Variants in SLC24A2 observed in about 807,000 individuals in gnomAD.
SLC24A2 encodes solute carrier family 24 member 2.
In SLC24A2, 36 loss-of-function variants were observed where a neutral mutation model predicts 62.0. The observed-to-expected ratio is 0.58, with a 90% confidence interval of 0.44 to 0.77. The LOEUF (loss-of-function observed/expected upper bound fraction) is 0.77. Ranked by LOEUF, SLC24A2 falls within the 30% of genes least tolerant of loss-of-function variation. The pLI, the probability that SLC24A2 is intolerant of heterozygous loss-of-function variation, is 0.00. For synonymous variants in SLC24A2, 358 were observed against 294.0 expected, an observed-to-expected ratio of 1.22 and a Z score of -2.23; for missense variants, 846 against 817.9, an observed-to-expected ratio of 1.03 and a Z score of -0.42.
At chr9:19,641,388 TA>T in intron 2 of SLC24A2, among the ~76,000 whole-genome samples, 1 of 152,376 alleles carries the variant, frequency 6.6e-6, no homozygotes, top group South Asian at 2.1e-4. Context: ...GTGGGCATAA[TA>T]AACTTAACAA....
chr9:19,897,206 T>G, the SLC24A2 span, among the ~76,000 whole-genome samples: 2 of 152,358 alleles, frequency 1.3e-5, no homozygotes, highest in South Asian at 4.1e-4. Context: ...AATGAACTCT[T>G]ATCTACCTTT....
chr9:19,961,506 C>T, the SLC24A2 span, among the ~76,000 whole-genome samples: 1 of 152,084 alleles, frequency 6.6e-6, no homozygotes, highest in Non-Finnish European at 1.5e-5. Context: ...TAAGTTTCAT[C>T]CTTTGGAGGT....
chr9:19,699,119 C>G (rs879277316), intron 2 of SLC24A2, among the ~76,000 whole-genome samples: 1 of 152,078 alleles, frequency 6.6e-6, no homozygotes, highest in South Asian at 2.1e-4. Flanking sequence ...TTCCCAGACT[C>G]GGGGGTTCTG....
rs571498514 is a variant in SLC24A2 at position 19,573,570 on chromosome 9, A to G, written c.1229-101T>C. 815 of 878,708 alleles carry G rather than the reference A, an allele frequency of 9.3e-4. 8 individuals are homozygous for G. The South Asian group carries it at 9.8e-3, about 11-fold the overall frequency. The allele number at this position is 878,708 out of a possible 1,614,324, so 54.4% of individuals were successfully genotyped here. Reference sequence around the variant, plus strand: ...GAGAGAGAGAAAGCAAATGGAATCAATGGGGGTAAAGAGCAATATTGAAAA... The same window carrying G: ...GAGAGAGAGAAAGCAAATGGAATCAGTGGGGGTAAAGAGCAATATTGAAAA... On this transcript the variant is annotated intron_variant, in intron 6 of 10. Transcript: ENST00000341998.
At chr9:20,242,149 C>T in the SLC24A2 span, among the ~76,000 whole-genome samples, 2 of 152,078 alleles carry the variant, frequency 1.3e-5, no homozygotes, top group Non-Finnish European at 2.9e-5. Context: ...CTTTTTCCTG[C>T]CCCCCACAGT....
the SLC24A2 span, among the ~76,000 whole-genome samples, chr9:20,092,274 T>C: frequency 1.3e-5 from 2 of 152,240 alleles, no homozygotes; most frequent in Non-Finnish European, 2.9e-5. Flanking sequence ...TAATTGACCA[T>C]TTCTATTCTT....
the SLC24A2 span, among the ~76,000 whole-genome samples, chr9:20,081,313 T>A: frequency 2.0e-5 from 3 of 151,622 alleles, no homozygotes; most frequent in East Asian, 1.9e-4. Flanking sequence ...AAATGATGAG[T>A]TCATGTCCTT....
At chr9:19,824,968 A>T in the SLC24A2 span, among the ~76,000 whole-genome samples, 1 of 152,312 alleles carries the variant, frequency 6.6e-6, no homozygotes, top group East Asian at 1.9e-4. Context: ...GGAGTTGAAC[A>T]ATGAGAACAC....
chr9:20,208,243 G>T, the SLC24A2 span, among the ~76,000 whole-genome samples: 4 of 152,184 alleles, frequency 2.6e-5, no homozygotes, highest in Non-Finnish European at 4.4e-5. Flanking sequence ...GGTTAACGTG[G>T]CTGGGGTAGA....
intron 6 of SLC24A2, among the ~76,000 whole-genome samples, chr9:19,575,669 A>G (rs1202517079): frequency 6.6e-6 from 1 of 152,246 alleles, no homozygotes; most frequent in African/African-American, 2.4e-5. Context: ...AATCCTTGGC[A>G]TTAAGTGTCC....
the SLC24A2 span, among the ~76,000 whole-genome samples, chr9:20,144,253 C>A: frequency 6.6e-6 from 1 of 152,202 alleles, no homozygotes; most frequent in Admixed American, 6.5e-5. Flanking sequence ...CATGTCAAAG[C>A]TTCTGCCAGG....
chr9:19,533,225 G>A (rs1833789388), intron 8 of SLC24A2, among the ~76,000 whole-genome samples: 1 of 152,096 alleles, frequency 6.6e-6, no homozygotes, highest in Non-Finnish European at 1.5e-5. Context: ...ATCTTCTTGG[G>A]CAATCAAAAT....
Position 19,764,186 on chromosome 9 carries a change from A to G in SLC24A2, c.930+21751T>C, listed in dbSNP as rs139534993. On this transcript the variant is annotated intron_variant, in intron 2 of 10. Transcript: ENST00000341998. ...TCCTTTATCATTTTTTATTGCGTCT[A>G]TTTGATTCTTCTCTCTTTTCTTCTT... Among the ~76,000 whole-genome samples the G allele has an allele frequency of 8.3e-4, 126 of 152,234 alleles. 1 individual carries two copies. The East Asian group carries it at 0.022, about 27-fold the overall frequency.
the SLC24A2 span, among the ~76,000 whole-genome samples, chr9:20,195,797 C>T: frequency 6.6e-6 from 1 of 150,830 alleles, no homozygotes; most frequent in African/African-American, 2.4e-5. Flanking sequence ...TCATGGCATA[C>T]ATTAAAATAA....
chr9:20,163,137 T>C, the SLC24A2 span, among the ~76,000 whole-genome samples: 10 of 151,946 alleles, frequency 6.6e-5, 1 homozygote, highest in South Asian at 6.2e-4. Flanking sequence ...CCAGGGCAAT[T>C]AGGCAGGAGA....
the SLC24A2 span, among the ~76,000 whole-genome samples, chr9:20,127,298 A>G: frequency 1.3e-5 from 2 of 152,100 alleles, no homozygotes; most frequent in African/African-American, 4.8e-5. Context: ...CATCTTGCTG[A>G]TTGATTTTAA....
At chr9:19,974,995 T>G in the SLC24A2 span, among the ~76,000 whole-genome samples, 2 of 152,098 alleles carry the variant, frequency 1.3e-5, no homozygotes, top group Non-Finnish European at 2.9e-5. Flanking sequence ...GGTAGGAAAA[T>G]CTTTCCCAGA....
the SLC24A2 span, among the ~76,000 whole-genome samples, chr9:20,047,310 T>TA: frequency 6.6e-6 from 1 of 151,698 alleles, no homozygotes; most frequent in Admixed American, 6.6e-5. Context: ...TTACTAATAA[T>TA]AAAAAAGGGA....
At chr9:20,113,060 A>G in the SLC24A2 span, among the ~76,000 whole-genome samples, 1 of 151,524 alleles carries the variant, frequency 6.6e-6, no homozygotes, top group South Asian at 2.1e-4. Context: ...CCACCCTACC[A>G]TGAGCTCCAT....
Sources: allele counts gnomAD v4.1 joint callset (sites outside exome capture counted in the v4.1 genomes callset), GRCh38; gene constraint gnomAD v4.1.1; transcripts MANE v1.5; gene names NCBI Gene and HGNC (gene_info 2026-07-23, HGNC 2026-07-21).